The following HLA-DQB1 variants were observed in gnomAD, a reference collection of about 807,000 sequenced individuals.
HLA-DQB1 encodes major histocompatibility complex, class II, DQ beta 1, also known as HLA class II histocompatibility antigen, DQ beta 1 chain.
A neutral mutation model predicts 26.4 loss-of-function variants in HLA-DQB1; 13 were observed. The observed-to-expected ratio is 0.49, with a 90% confidence interval of 0.32 to 0.78. The LOEUF (loss-of-function observed/expected upper bound fraction) is 0.78, where lower values mean the gene tolerates loss of function less well. HLA-DQB1 is among the 30% of genes least tolerant of loss of function. The pLI is 0.03. For synonymous variants in HLA-DQB1, 60 were observed against 129.1 expected (o/e 0.46, Z 3.63); for missense variants, 158 against 326.2 (o/e 0.48, Z 3.97).
chr6:32,666,119 A>T (rs281861167), intron 1 of HLA-DQB1, among the ~76,000 whole-genome samples: 3 of 85,618 alleles, frequency 3.5e-5, no homozygotes, highest in Non-Finnish European at 4.9e-5. Context: ...CCAATGCAGG[A>T]TCTCATAATC....
At chr6:32,665,113 C>CCGGCTGCT (rs1554169935) in intron 1 of HLA-DQB1, 46 bp from the exon 2 acceptor site, 1 of 931,888 alleles carries the variant, frequency 1.1e-6, no homozygotes, top group Admixed American at 5.2e-5. Flanking sequence ...GCCCGGCCGC[C>CCGGCTGCT]CCCGCAGCCG....
At chr6:32,666,522 A>G in exon 1 of HLA-DQB1, 2 of 1,131,344 alleles carry the variant, frequency 1.8e-6, no homozygotes, top group Non-Finnish European at 2.6e-6. Context: ...GCCCTCAGCC[A>G]GTAGGGAGCT....
At chr6:32,662,983 G>A in intron 2 of HLA-DQB1, 1 of 137,402 alleles carries the variant, frequency 7.3e-6, no homozygotes, top group Non-Finnish European at 1.6e-5. Flanking sequence ...GTCGGCCTGG[G>A]CTAATGAGCC....
At chr6:32,661,921 C>CTGCCT in intron 3 of HLA-DQB1, 46 bp downstream of exon 3, 2 of 1,187,004 alleles carry the variant, frequency 1.7e-6, no homozygotes, top group Non-Finnish European at 2.3e-6. Flanking sequence ...AGAAGGAGCT[C>CTGCCT]TTTGTCTTGT....
chr6:32,664,806 T>G, exon 2 of HLA-DQB1: 1 of 1,076,370 alleles, frequency 9.3e-7, no homozygotes, highest in Non-Finnish European at 1.3e-6. Flanking sequence ...ACCTCTCCTC[T>G]GCAAGATCCC....
intron 3 of HLA-DQB1, 86 bp from the exon 4 acceptor site, chr6:32,661,543 A>G (rs9273713): frequency 0.65 from 519,358 of 793,348 alleles, 196,191 homozygotes; most frequent in South Asian, 0.84. Flanking sequence ...TGAGGTGCAG[A>G]AGGTGAAGGC....
At chr6:32,662,782 GC>G (rs70996716) in intron 2 of HLA-DQB1, 26,977 of 126,972 alleles carry the variant, frequency 0.21, 2,933 homozygotes, top group South Asian at 0.27. Flanking sequence ...TTTAATGTGT[GC>G]TTTCTTTATT....
intron 1 of HLA-DQB1, among the ~76,000 whole-genome samples, chr6:32,665,712 TTTG>T (rs1784001462): frequency 7.7e-6 from 1 of 129,414 alleles, no homozygotes; most frequent in Non-Finnish European, 1.7e-5. Flanking sequence ...CAGTCACCAG[TTTG>T]GGCAGGTTAT....
chr6:32,665,400 T>C (rs281861772), intron 1 of HLA-DQB1, among the ~76,000 whole-genome samples: 1 of 141,966 alleles, frequency 7.0e-6, no homozygotes, highest in African/African-American at 2.5e-5. Context: ...TGAAATCCCA[T>C]TTTTCATGAA....
intron 3 of HLA-DQB1, 130 bp downstream of exon 3, chr6:32,661,837 A>T (rs9273857): frequency 0.36 from 267,853 of 744,464 alleles, 52,488 homozygotes; most frequent in South Asian, 0.45. Context: ...GCCATGGAGC[A>T]AGAGGTGCTC....
chr6:32,666,612 G>A (rs746435665), exon 1 of HLA-DQB1: 1 of 990,640 alleles, frequency 1.0e-6, no homozygotes, highest in East Asian at 2.8e-5. Flanking sequence ...AGACATAACT[G>A]AGACGAAGGG....
chr6:32,660,202 T>G lies in HLA-DQB1; in HGVS notation c.*34A>C, dbSNP rs201738242. On this transcript the variant is annotated 3_prime_UTR_variant, in exon 5 of 5. Transcript: ENST00000434651. ...GGCATAAGCAGGCATCACAGAAGAG[T>G]GATAACCAATCCTAGTTAAAATAGT... 11 of 880,232 alleles carry G rather than the reference T, an allele frequency of 1.2e-5. 4 individuals are homozygous for G. Among genetic ancestry groups the G allele is most frequent in the South Asian group, 1.7e-5 (1 of 58,714 alleles). The allele number at this position is 880,232 out of a possible 1,614,324, so 54.5% of individuals were successfully genotyped here. A position where few individuals can be genotyped will look rare whatever the true frequency, so the allele number is the denominator to read the frequency against.
Position 32,666,522 on chromosome 6 carries a change from A to ACT in HLA-DQB1, c.85_86insAG (p.Leu29GlnfsTer32). Reference sequence around the variant, plus strand: ...ACCGGGAGAGTCTCTGCCCTCAGCCAGTAGGGAGCTCAGCATCGCCAGCAT... The same window carrying ACT: ...ACCGGGAGAGTCTCTGCCCTCAGCCACTGTAGGGAGCTCAGCATCGCCAGCAT... On this transcript the variant is annotated frameshift_variant, in exon 1 of 5. Transcript: ENST00000434651. LOFTEE classifies it high-confidence loss of function. 8.8e-7 allele frequency: 1 copy of ACT among 1,131,344 alleles called. No homozygotes were observed. Among genetic ancestry groups the ACT allele is most frequent in the Non-Finnish European group, 1.3e-6 (1 of 776,384 alleles). 70.1% of individuals were successfully genotyped at this position (1,131,344 alleles called of 1,614,324 possible).
At chr6:32,665,913 C>A in intron 1 of HLA-DQB1, among the ~76,000 whole-genome samples, 1 of 137,230 alleles carries the variant, frequency 7.3e-6, no homozygotes, top group Non-Finnish European at 1.6e-5. Flanking sequence ...CCACCATTAA[C>A]TCGGGTCTCT....
At chr6:32,662,032 C>A (rs701564) in exon 3 of HLA-DQB1, 11 of 1,455,102 alleles carry the variant, frequency 7.6e-6, no homozygotes, top group African/African-American at 1.4e-5. Flanking sequence ...GACATCTCCA[C>A]GCTGGGGAGT....
At chr6:32,665,934 C>A (rs281861310) in intron 1 of HLA-DQB1, among the ~76,000 whole-genome samples, 1 of 138,386 alleles carries the variant, frequency 7.2e-6, no homozygotes, top group Non-Finnish European at 1.6e-5. Flanking sequence ...GAATCCCACT[C>A]AAGTCACCAT....
At chr6:32,660,597 A>G (rs914000837) in intron 4 of HLA-DQB1, 1 of 396,890 alleles carries the variant, frequency 2.5e-6, no homozygotes, top group Admixed American at 4.2e-5. Context: ...TGTGGCACAA[A>G]GTGGGCATCA....
chr6:32,660,321 G>A lies in HLA-DQB1; in HGVS notation c.773-72C>T. ...GCCTGCCATCTCCCCCACCCTTCAG[G>A]GGCCCCCTGCAGCTTCAGACAGAGA... is the stretch of plus-strand genomic sequence containing the variant. On this transcript the variant is annotated intron_variant, in intron 4 of 4. Coordinates refer to ENST00000434651, the Ensembl canonical transcript of HLA-DQB1. 2.6e-6 allele frequency: 2 copies of A among 776,734 alleles called. 1 individual carries two copies. Among genetic ancestry groups the A allele is most frequent in the Non-Finnish European group, 3.9e-6 (2 of 510,014 alleles). 48.1% of individuals were successfully genotyped at this position (776,734 alleles called of 1,614,324 possible).
exon 4 of HLA-DQB1, chr6:32,661,430 T>C (rs9273654): frequency 8.3e-7 from 1 of 1,201,776 alleles, no homozygotes; most frequent in South Asian, 1.3e-5. Flanking sequence ...ACTCAGCATC[T>C]TGCTCTGGGC....
Sources: allele counts gnomAD v4.1 joint callset (sites outside exome capture counted in the v4.1 genomes callset), GRCh38; gene constraint gnomAD v4.1.1; transcripts MANE v1.5; gene names NCBI Gene and HGNC (gene_info 2026-07-23, HGNC 2026-07-21).